RBFOX1: variants seen among roughly 807,000 people sequenced by gnomAD.
The protein encoded by RBFOX1 is RNA binding fox-1 homolog 1, also known as RNA binding protein fox-1 homolog 1.
A neutral mutation model predicts 57.7 loss-of-function variants in RBFOX1; 8 were observed. That is an observed-to-expected ratio of 0.14 (90% CI 0.08 to 0.25). The LOEUF (loss-of-function observed/expected upper bound fraction) is 0.25. RBFOX1 is among the 10% of genes least tolerant of loss of function. RBFOX1 has a pLI of 1.00. For synonymous variants in RBFOX1, 326 were observed against 222.4 expected, an observed-to-expected ratio of 1.47 and a Z score of -4.15; for missense variants, 611 against 548.5, an observed-to-expected ratio of 1.11 and a Z score of -1.14.
chr16:5,734,184 C>G (rs1004329891), intron 3 of RBFOX1, among the ~76,000 whole-genome samples: 4 of 152,128 alleles, frequency 2.6e-5, no homozygotes, highest in African/African-American at 9.7e-5. Flanking sequence ...ACAGGTTTGG[C>G]CAGACATGGT....
At chr16:6,759,693 A>G (rs1261200327) in intron 3 of RBFOX1, among the ~76,000 whole-genome samples, 1 of 152,150 alleles carries the variant, frequency 6.6e-6, no homozygotes, top group Non-Finnish European at 1.5e-5. Flanking sequence ...TTCAACTTTA[A>G]TAATAGCCTT....
chr16:6,113,686 A>T (rs2096468914), intron 1 of RBFOX1, among the ~76,000 whole-genome samples: 1 of 152,236 alleles, frequency 6.6e-6, no homozygotes. Flanking sequence ...AGAAAAGAAG[A>T]AGCTGAAACT....
intron 14 of RBFOX1, among the ~76,000 whole-genome samples, chr16:7,707,562 C>G (rs958053848): frequency 3.3e-5 from 5 of 152,136 alleles, no homozygotes; most frequent in African/African-American, 1.2e-4. Context: ...CAGTGAGTGT[C>G]TGATGCATTC....
At chr16:5,938,174 A>T (rs529563188) in intron 4 of RBFOX1, among the ~76,000 whole-genome samples, 1 of 151,820 alleles carries the variant, frequency 6.6e-6, no homozygotes, top group Non-Finnish European at 1.5e-5. Flanking sequence ...ACCAAAAAAT[A>T]CTCCTTCTGG....
chr16:7,427,714 C>T (rs2098635343), intron 4 of RBFOX1, among the ~76,000 whole-genome samples: 1 of 151,608 alleles, frequency 6.6e-6, no homozygotes, highest in African/African-American at 2.4e-5. Context: ...AGTGCAATGG[C>T]TGGATCTCAC....
intron 1 of RBFOX1, among the ~76,000 whole-genome samples, chr16:5,401,637 G>C: frequency 6.6e-6 from 1 of 152,094 alleles, no homozygotes; most frequent in East Asian, 1.9e-4. Flanking sequence ...ACATTATTTT[G>C]GAAGATTTGA....
chr16:6,754,860 C>G (rs529269722), intron 3 of RBFOX1, among the ~76,000 whole-genome samples: 4 of 152,062 alleles, frequency 2.6e-5, no homozygotes, highest in African/African-American at 9.7e-5. Context: ...CCCTCTCCCC[C>G]CACCCCACAA....
chr16:7,249,265 C>G (rs1050424999), intron 4 of RBFOX1, among the ~76,000 whole-genome samples: 7 of 151,972 alleles, frequency 4.6e-5, no homozygotes, highest in Non-Finnish European at 1.5e-5. Flanking sequence ...TCTTCATTGT[C>G]TTTTTCTTTC....
intron 4 of RBFOX1, among the ~76,000 whole-genome samples, chr16:7,288,962 A>G (rs1324223524): frequency 6.6e-6 from 1 of 152,206 alleles, no homozygotes; most frequent in African/African-American, 2.4e-5. Flanking sequence ...GGGGTTGGAG[A>G]AAAGAAAGTG....
chr16:5,511,374 T>TG (rs1387531098), intron 2 of RBFOX1, among the ~76,000 whole-genome samples: 1 of 152,170 alleles, frequency 6.6e-6, no homozygotes, highest in African/African-American at 2.4e-5. Context: ...GGGATGGTGG[T>TG]GGGGGGTGCC....
intron 2 of RBFOX1, among the ~76,000 whole-genome samples, chr16:6,575,705 G>A (rs150048481): frequency 6.6e-6 from 1 of 151,806 alleles, no homozygotes; most frequent in Non-Finnish European, 1.5e-5. Flanking sequence ...TAAAAGTACA[G>A]AAATTAACTG....
At chr16:6,543,169 G>C (rs1400851872) in intron 2 of RBFOX1, among the ~76,000 whole-genome samples, 8 of 152,168 alleles carry the variant, frequency 5.3e-5, no homozygotes. Context: ...TCCCTTAGGT[G>C]GAACATGGCA....
intron 2 of RBFOX1, among the ~76,000 whole-genome samples, chr16:6,404,827 C>T (rs1047107699): frequency 2.0e-5 from 3 of 152,262 alleles, no homozygotes; most frequent in East Asian, 1.9e-4. Context: ...CATTTTGGTG[C>T]AGAGTAACTA....
At chr16:7,662,470 C>G (rs751078092) in intron 12 of RBFOX1, among the ~76,000 whole-genome samples, 2 of 152,170 alleles carry the variant, frequency 1.3e-5, no homozygotes, top group African/African-American at 4.8e-5. Context: ...GACGCCTTCT[C>G]ATGCCCACCC....
In RBFOX1 at chr16:6,729,216, G is replaced by T. The variant is rs545664470; in HGVS notation, c.-16+74566G>T. ...ACCTGGGAGATATATATGATTATAT[G>T]TATATAATTGGGGTCACCAGACCCC... On this transcript the variant is annotated intron_variant, in intron 3 of 15. Coordinates refer to ENST00000550418, the MANE Select transcript of RBFOX1 (RefSeq NM_018723.4). Among the ~76,000 whole-genome samples, 26 of 152,202 alleles carry T rather than the reference G, an allele frequency of 1.7e-4. No homozygotes were observed. In the East Asian group the frequency reaches 4.8e-3, roughly 28 times the overall value.
chr16:5,885,841 C>A (rs768561827), intron 4 of RBFOX1, among the ~76,000 whole-genome samples: 3 of 152,146 alleles, frequency 2.0e-5, no homozygotes, highest in Admixed American at 1.3e-4. Context: ...AACTGTTCCA[C>A]CTACTAGCTG....
chr16:6,899,580 G>C (rs1208277549), intron 3 of RBFOX1, among the ~76,000 whole-genome samples: 1 of 151,854 alleles, frequency 6.6e-6, no homozygotes, highest in Non-Finnish European at 1.5e-5. Flanking sequence ...CCATCTGTGA[G>C]ATTTTGAGCA....
intron 3 of RBFOX1, among the ~76,000 whole-genome samples, chr16:5,659,605 G>A (rs568931848): frequency 1.3e-5 from 2 of 152,112 alleles, no homozygotes; most frequent in South Asian, 2.1e-4. Flanking sequence ...GTGCCTGGCC[G>A]GTATATCTTT....
chr16:6,087,025 T>C (rs1467983987), intron 1 of RBFOX1, among the ~76,000 whole-genome samples: 2 of 152,094 alleles, frequency 1.3e-5, no homozygotes, highest in African/African-American at 4.8e-5. Context: ...TAGATATACA[T>C]TGAGTGGTGA....
Sources: allele counts gnomAD v4.1 joint callset (sites outside exome capture counted in the v4.1 genomes callset), GRCh38; gene constraint gnomAD v4.1.1; transcripts MANE v1.5; gene names NCBI Gene and HGNC (gene_info 2026-07-23, HGNC 2026-07-21).